The following RAPGEF2 variants were observed in gnomAD, a reference collection of about 807,000 sequenced individuals.
The protein encoded by RAPGEF2 is PDZ domain containing guanine nucleotide exchange factor (GEF) 1.
In RAPGEF2, 54 loss-of-function variants were observed where a neutral mutation model predicts 186.7. The observed-to-expected ratio is 0.29, with a 90% CI of 0.23 to 0.36. RAPGEF2 has a LOEUF of 0.36. Ranked by LOEUF, RAPGEF2 falls within the 10% of genes least tolerant of loss-of-function variation. The pLI is 1.00. For synonymous variants in RAPGEF2, 712 were observed against 705.9 expected (o/e 1.01, Z -0.14); for missense variants, 1,532 against 2,045.0 (o/e 0.75, Z 4.84).
chr4:159,332,725 A>AT (rs1187065093), intron 17 of RAPGEF2, 28 bp downstream of exon 17: 5 of 1,602,992 alleles, frequency 3.1e-6, no homozygotes, highest in African/African-American at 1.3e-5. Flanking sequence ...TCTTCTGTGC[A>AT]TTATTTTATT....
At chr4:159,335,532 T>C (rs750786221) in intron 17 of RAPGEF2, among the ~76,000 whole-genome samples, 3 of 152,016 alleles carry the variant, frequency 2.0e-5, no homozygotes, top group Non-Finnish European at 4.4e-5. Context: ...TCATGTAAGG[T>C]GTTAAAGTGT....
intron 1 of RAPGEF2, among the ~76,000 whole-genome samples, chr4:159,124,302 G>A (rs1339665956): frequency 6.6e-6 from 1 of 151,918 alleles, no homozygotes; most frequent in East Asian, 1.9e-4. Context: ...CACTTTGGGA[G>A]ACTGAGGCGG....
intron 1 of RAPGEF2, among the ~76,000 whole-genome samples, chr4:159,133,488 T>G (rs1237897137): frequency 2.0e-5 from 3 of 152,008 alleles, no homozygotes. Flanking sequence ...CTCAGCTCAC[T>G]GCACCCTCCA....
intron 3 of RAPGEF2, among the ~76,000 whole-genome samples, chr4:159,200,060 C>CTCTATA (rs138313884): frequency 1.3e-5 from 2 of 151,298 alleles, no homozygotes; most frequent in African/African-American, 4.9e-5. Flanking sequence ...CTCTCTCTCT[C>CTCTATA]TATATATATA....
chr4:159,261,360 C>T (rs1401453197), intron 7 of RAPGEF2, among the ~76,000 whole-genome samples: 7 of 152,074 alleles, frequency 4.6e-5, no homozygotes, highest in Admixed American at 4.6e-4. Flanking sequence ...CCGCATCCAG[C>T]TGAAAAAGGT....
At chr4:159,211,392 A>G (rs1750513262) in intron 4 of RAPGEF2, among the ~76,000 whole-genome samples, 1 of 152,112 alleles carries the variant, frequency 6.6e-6, no homozygotes, top group South Asian at 2.1e-4. Flanking sequence ...ATTTTTACTA[A>G]AGGTTTTAAA....
chr4:159,269,951 C>G (rs1305556555), intron 7 of RAPGEF2, among the ~76,000 whole-genome samples: 1 of 152,186 alleles, frequency 6.6e-6, no homozygotes, highest in African/African-American at 2.4e-5. Flanking sequence ...CCAATAGTGC[C>G]TAAACTAGAG....
In RAPGEF2 at chr4:159,345,119, G is replaced by A. The variant is rs368419333; in HGVS notation, c.3292G>A (p.Gly1098Ser). ...KWRSLGSLSQ[G>S]STNATVLDVA... ...TTCATCTTCCAGGTCTCTCAGCCAG[G>A]GTAGTACAAATGCAACAGTGCTAGA... The change falls in exon 24 of 30, where the codon GGT (glycine) becomes AGT (serine). Residue 1098 changes from glycine (G) to serine (S), a missense_variant. Coordinates refer to ENST00000691494, the MANE Select transcript of RAPGEF2 (RefSeq NM_001394067.2). 4 of 1,613,778 alleles carry A rather than the reference G, an allele frequency of 2.5e-6. No homozygotes were observed. Among genetic ancestry groups the A allele is most frequent in the Non-Finnish European group, 3.4e-6 (4 of 1,179,854 alleles).
chr4:159,339,947 T>C (rs906554960), intron 19 of RAPGEF2, among the ~76,000 whole-genome samples: 2 of 152,238 alleles, frequency 1.3e-5, no homozygotes, highest in Admixed American at 1.3e-4. Context: ...GAAGTGCTTA[T>C]ATCACACGTT....
At chr4:159,317,637 T>A (rs1474781090) in intron 9 of RAPGEF2, among the ~76,000 whole-genome samples, 1 of 152,200 alleles carries the variant, frequency 6.6e-6, no homozygotes, top group African/African-American at 2.4e-5. Flanking sequence ...CTTTCTTGGG[T>A]CCAATACCAC....
At position 159,356,138 on chromosome 4, in the gene RAPGEF2, G is replaced by T. The variant is rs1026445955; in HGVS notation, c.4937G>T (p.Gly1646Val). ...CGCCTCGCCCCCTATCAGTCCCAAGGGTTTTCCACCGAGGAGGATGGTATA... is the reference window on the plus strand; with the variant it reads ...CGCCTCGCCCCCTATCAGTCCCAAGTGTTTTCCACCGAGGAGGATGGTATA... Reference protein sequence around the residue: ...DPRLAPYQSQGFSTEEDEDEQ... With the variant: ...DPRLAPYQSQVFSTEEDEDEQ... The change falls in exon 29 of 30, where the codon GGG (glycine) becomes GTG (valine). Residue 1646 changes from glycine to valine, a missense_variant. Around this residue, in one of 4 missense-constraint regions of RAPGEF2, gnomAD observed 594 missense variants for 608.5 expected, o/e 0.98. Coordinates refer to ENST00000691494, the MANE Select transcript of RAPGEF2 (RefSeq NM_001394067.2). 6.2e-7 allele frequency: 1 copy of T among 1,613,828 alleles called. No individual in the cohort carries two copies. The highest frequency in any genetic ancestry group is 8.5e-7 in the Non-Finnish European group (1 of 1,179,822).
chr4:159,182,276 G>A, intron 1 of RAPGEF2, among the ~76,000 whole-genome samples: 1 of 151,724 alleles, frequency 6.6e-6, no homozygotes, highest in Admixed American at 6.6e-5. Flanking sequence ...TTTTAAATTG[G>A]AATGACTTAA....
At chr4:159,309,807 G>A (rs557969221) in intron 8 of RAPGEF2, among the ~76,000 whole-genome samples, 2 of 152,252 alleles carry the variant, frequency 1.3e-5, no homozygotes, top group Admixed American at 1.3e-4. Context: ...GAGAGTTCAA[G>A]CAAAATTGAA....
At chr4:159,334,516 TG>T (rs986448134) in intron 17 of RAPGEF2, among the ~76,000 whole-genome samples, 1 of 152,194 alleles carries the variant, frequency 6.6e-6, no homozygotes, top group African/African-American at 2.4e-5. Context: ...CTCAAAGTGC[TG>T]GGATTACAGG....
chr4:159,213,931 C>A (rs1579482544), intron 4 of RAPGEF2, among the ~76,000 whole-genome samples: 1 of 152,136 alleles, frequency 6.6e-6, no homozygotes, highest in Non-Finnish European at 1.5e-5. Flanking sequence ...ATACAAGTGC[C>A]TGTAATGCCA....
intron 7 of RAPGEF2, among the ~76,000 whole-genome samples, chr4:159,247,694 A>G (rs988817097): frequency 6.6e-6 from 1 of 152,014 alleles, no homozygotes; most frequent in African/African-American, 2.4e-5. Flanking sequence ...AACTGGAGTA[A>G]GAATGAAAGG....
intron 1 of RAPGEF2, among the ~76,000 whole-genome samples, chr4:159,160,575 T>C (rs1021109023): frequency 5.3e-5 from 8 of 152,260 alleles, no homozygotes; most frequent in African/African-American, 1.7e-4. Flanking sequence ...GAAAGTCAAC[T>C]TCAAACTAAC....
At chr4:159,150,554 G>A (rs1743430622) in intron 1 of RAPGEF2, among the ~76,000 whole-genome samples, 1 of 152,110 alleles carries the variant, frequency 6.6e-6, no homozygotes, top group Non-Finnish European at 1.5e-5. Flanking sequence ...CACAAGAATG[G>A]GAAAAACCTG....
chr4:159,330,364 G>A lies in RAPGEF2; in HGVS notation c.1333G>A (p.Val445Met). The A allele has an allele frequency of 6.3e-7, 1 of 1,589,930 alleles. No individual in the cohort carries two copies. Among genetic ancestry groups the A allele is most frequent in the Admixed American group, 1.9e-5 (1 of 52,396 alleles). Residue 445 changes from valine to methionine, a missense_variant, in exon 13 of 30, where the codon GTG (valine) becomes ATG (methionine). Physicochemically the swap from Val to Met is conservative, Grantham distance 21 (BLOSUM62 1). Around this residue, in one of 4 missense-constraint regions of RAPGEF2, gnomAD observed 810 missense variants for 1,210.5 expected, o/e 0.67. Transcript: ENST00000691494. ...CTCAGAAAGGTTAACAATGCATTTG[G>A]TGGAAGAGCATTCAGTAGTAGATCC... ...GTSERLTMHL[V>M]EEHSVVDPTF...
Sources: gnomAD v4.1 joint callset for allele counts (sites outside exome capture counted in the v4.1 genomes callset) on GRCh38, gnomAD v4.1.1 for gene constraint, gnomAD v4.1.1 regional missense constraint, MANE v1.5 for transcripts, NCBI Gene and HGNC (gene_info 2026-07-23, HGNC 2026-07-21) for gene names.